Variants in TECPR1 observed in about 807,000 individuals in gnomAD.
TECPR1 encodes tectonin beta-propeller repeat containing 1.
A neutral mutation model predicts 162.4 loss-of-function variants in TECPR1; 122 were observed. The ratio of observed to expected loss-of-function variants is 0.75; its 90% CI spans 0.65 to 0.87. The LOEUF is 0.87. Among genes scored for constraint, TECPR1 ranks in the 40% least tolerant of loss-of-function variants. TECPR1 has a pLI of 0.00. For missense variants in TECPR1, 1,432 were observed against 1,618.2 expected (o/e 0.88, Z 1.97); for synonymous variants, 642 against 670.6 (o/e 0.96, Z 0.66).
At chr7:98,221,967 G>A (rs994724064) in intron 22 of TECPR1, among the ~76,000 whole-genome samples, 12 of 152,210 alleles carry the variant, frequency 7.9e-5, no homozygotes, top group African/African-American at 2.4e-4. Flanking sequence ...TCTTGCCAGC[G>A]CAACACAAAG....
chr7:98,221,289 C>T (rs1051511017), intron 23 of TECPR1, among the ~76,000 whole-genome samples: 8 of 151,800 alleles, frequency 5.3e-5, no homozygotes, highest in Admixed American at 3.3e-4. Flanking sequence ...GAGACAAGAG[C>T]GAAACTCCAT....
In TECPR1 at chr7:98,245,976, A is replaced by T. The variant is rs371921232; in HGVS notation, c.171T>A (p.Tyr57Ter). The T allele has an allele frequency of 1.9e-6, 3 of 1,606,892 alleles. No homozygotes were observed. Among genetic ancestry groups the T allele is most frequent in the Non-Finnish European group, 2.5e-6 (3 of 1,177,410 alleles). The part of the protein sequence containing the change: ...GIACDNQVYV[Y>*]VCASDVPIRR... ...GGATGGGGACATCGCTGGCACACACATACACGTAGACCTGGTTGTCACAGG... is the reference window on the plus strand; with the variant it reads ...GGATGGGGACATCGCTGGCACACACTTACACGTAGACCTGGTTGTCACAGG... The change falls in exon 3 of 26, where the codon TAT (tyrosine) becomes TAA (stop). Residue 57 changes from tyrosine to a stop codon, truncating the protein, a stop_gained. Transcript: ENST00000447648. LOFTEE classifies it high-confidence loss of function.
chr7:98,233,604 T>C lies in TECPR1; in HGVS notation c.1489A>G (p.Lys497Glu). Residue 497 changes from lysine (K) to glutamate (E), a missense_variant, in exon 11 of 26, where the codon AAA (lysine) becomes GAA (glutamate). Physicochemically the swap from Lys to Glu is moderately conservative, Grantham distance 56. Transcript: ENST00000447648. ...CCAGCGGCCGAGTGGCTGGGCACTTTCTTGGCCTCCTTGAGGTCAATATTG... is the reference window on the plus strand; with the variant it reads ...CCAGCGGCCGAGTGGCTGGGCACTTCCTTGGCCTCCTTGAGGTCAATATTG... ...WTNIDLKEAK[K>E]VPSHSAAGFP... 6.3e-7 allele frequency: 1 copy of C among 1,588,348 alleles called. No homozygotes were observed. Among genetic ancestry groups the C allele is most frequent in the Non-Finnish European group, 8.6e-7 (1 of 1,169,280 alleles).
chr7:98,233,221 T>A (rs1798496628), intron 11 of TECPR1, 200 bp downstream of exon 11: 11 of 846,306 alleles, frequency 1.3e-5, no homozygotes, highest in Non-Finnish European at 1.7e-6. Flanking sequence ...CCACCGTGCT[T>A]CCAGGTCCTG....
rs569209152 is a variant in TECPR1 at position 98,228,677 on chromosome 7, C to T, written c.2410+362G>A. 1.8e-4 allele frequency: 42 copies of T among 227,140 alleles called. No individual in the cohort carries two copies. The South Asian group carries it at 1.9e-3, about 10-fold the overall frequency. 14.1% of individuals were successfully genotyped at this position (227,140 alleles called of 1,614,324 possible). A position where few individuals can be genotyped will look rare whatever the true frequency, so the allele number is the denominator to read the frequency against. On this transcript the variant is annotated intron_variant, in intron 16 of 25. Coordinates refer to ENST00000447648, the MANE Select transcript of TECPR1 (RefSeq NM_015395.3). ...AACGCCCCGTTTCAGTGTCTGTTTCCGCCTTCGTTTTCCAGTAGGAACAGA... is the reference window on the plus strand; with the variant it reads ...AACGCCCCGTTTCAGTGTCTGTTTCTGCCTTCGTTTTCCAGTAGGAACAGA...
In TECPR1 at chr7:98,232,959, C is replaced by A. The variant is rs762392502; in HGVS notation, c.1686G>T (p.Ser562=). ...WFTVQAGLSS[S]VHMLSLSITP... ...TGATGGACAGGGACAGCATGTGTAC[C>A]GAGGAGGACAGGCCTGTGGGGCAGA... The change falls in exon 12 of 26, where the codon TCG becomes TCT. Residue 562 remains serine, a synonymous_variant. Coordinates refer to ENST00000447648, the MANE Select transcript of TECPR1 (RefSeq NM_015395.3). This position sits in a 1 kb window ranked among gnomAD's most constrained non-coding sequence, Gnocchi z 4.6. 6.2e-7 allele frequency: 1 copy of A among 1,611,562 alleles called. No individual in the cohort carries two copies.
chr7:98,230,877 C>G, intron 15 of TECPR1, 84 bp downstream of exon 15: 1 of 1,516,388 alleles, frequency 6.6e-7, no homozygotes, highest in Admixed American at 2.0e-5. Context: ...TGCGTGGACT[C>G]CAGTCCTCTG....
intron 23 of TECPR1, among the ~76,000 whole-genome samples, chr7:98,218,707 A>G (rs888499066): frequency 2.6e-5 from 4 of 152,246 alleles, no homozygotes; most frequent in African/African-American, 9.6e-5. Flanking sequence ...CTGCTGAAAG[A>G]AATCATAGAT....
intron 4 of TECPR1, 82 bp downstream of exon 4, chr7:98,244,803 G>A (rs1798859274): frequency 6.3e-7 from 1 of 1,585,836 alleles, no homozygotes; most frequent in South Asian, 1.1e-5. Context: ...AGGCACCACA[G>A]GGTGCAGGGG....
intron 8 of TECPR1, among the ~76,000 whole-genome samples, chr7:98,240,272 T>C (rs1385306083): frequency 6.6e-6 from 1 of 152,158 alleles, no homozygotes; most frequent in Non-Finnish European, 1.5e-5. Context: ...TTCGAAATGT[T>C]GCAGCCTATT....
At position 98,245,775 on chromosome 7, in the gene TECPR1, C is replaced by T. The variant is rs558422010; in HGVS notation, c.225+147G>A. On this transcript the variant is annotated intron_variant, in intron 3 of 25. Coordinates refer to ENST00000447648, the MANE Select transcript of TECPR1 (RefSeq NM_015395.3). ...AGGCGTGAGTCACCACGCCTGGCAG[C>T]AACACAGATTTTAAGTACAAGGAAG... 2.2e-4 allele frequency: 168 copies of T among 772,298 alleles called. No homozygotes were observed. The African/African-American group carries it at 2.8e-3, about 13-fold the overall frequency. 47.8% of individuals were successfully genotyped at this position (772,298 alleles called of 1,614,324 possible). A position where few individuals can be genotyped will look rare whatever the true frequency, so the allele number is the denominator to read the frequency against.
At chr7:98,247,420 C>A (rs1409811989) in intron 2 of TECPR1, among the ~76,000 whole-genome samples, 1 of 152,088 alleles carries the variant, frequency 6.6e-6, no homozygotes, top group African/African-American at 2.4e-5. Context: ...GGATTACAGC[C>A]TTGAGCCACC....
chr7:98,240,751 C>T (rs925161304), intron 8 of TECPR1, 100 bp downstream of exon 8: 8 of 1,020,794 alleles, frequency 7.8e-6, no homozygotes, highest in East Asian at 2.6e-5. Context: ...GACAGGGTCT[C>T]GCTCTGTCAC....
intron 2 of TECPR1, among the ~76,000 whole-genome samples, chr7:98,249,215 T>G (rs1435786095): frequency 1.3e-5 from 2 of 151,832 alleles, no homozygotes; most frequent in East Asian, 3.9e-4. Context: ...GAAGACAGAT[T>G]GCAGGTTGAG....
At chr7:98,242,026 G>A (rs1287345588) in intron 6 of TECPR1, among the ~76,000 whole-genome samples, 1 of 152,198 alleles carries the variant, frequency 6.6e-6, no homozygotes, top group Non-Finnish European at 1.5e-5. Flanking sequence ...TTTGCATCCA[G>A]ATGGCCATGG....
In TECPR1 at chr7:98,245,936, C is replaced by A. The variant is rs745907218; in HGVS notation, c.211G>T (p.Ala71Ser). The change falls in exon 3 of 26, where the codon GCC becomes TCC. Residue 71 changes from alanine to serine, a missense_variant. Ala to Ser is a moderately conservative substitution (Grantham distance 99, BLOSUM62 1). Transcript: ENST00000447648. ...SDVPIRRREE[A>S]YENQRWNPMG... Reference sequence around the variant, plus strand: ...AGGGTCACTACCTGATTCTCATAGGCCTCCTCTCGGCGGCGGATGGGGACA... The same window carrying A: ...AGGGTCACTACCTGATTCTCATAGGACTCCTCTCGGCGGCGGATGGGGACA... 5 of 1,599,994 alleles carry A rather than the reference C, an allele frequency of 3.1e-6. No homozygotes were observed. In the African/African-American group the frequency reaches 4.0e-5, roughly 13 times the overall value.
intron 13 of TECPR1, chr7:98,231,592 C>T (rs1220569994): frequency 1.7e-6 from 1 of 590,814 alleles, no homozygotes; most frequent in East Asian, 3.8e-5. Context: ...TTTCTGTACT[C>T]CCTCTCCTGG....
chr7:98,217,631 C>A (rs1798046286), intron 25 of TECPR1, 61 bp downstream of exon 25: 1 of 1,519,232 alleles, frequency 6.6e-7, no homozygotes, highest in South Asian at 1.2e-5. Context: ...GTCGTCCCGT[C>A]TTCAGCACCC....
chr7:98,235,757 G>C (rs1403688059), intron 10 of TECPR1, among the ~76,000 whole-genome samples: 3 of 149,088 alleles, frequency 2.0e-5, no homozygotes, highest in African/African-American at 7.4e-5. Flanking sequence ...TTGGGCCCAG[G>C]AGTTTGAGGC....
Sources: allele counts gnomAD v4.1 joint callset (sites outside exome capture counted in the v4.1 genomes callset), GRCh38; gene constraint gnomAD v4.1.1; non-coding constraint Gnocchi (gnomAD v3.1); transcripts MANE v1.5; gene names NCBI Gene and HGNC (gene_info 2026-07-23, HGNC 2026-07-21).